Variants in TXNDC15 observed in about 807,000 individuals in gnomAD.
TXNDC15 encodes the protein thioredoxin domain-containing protein 15.
Under a neutral mutation model 35.0 loss-of-function variants are expected in TXNDC15, and 24 were observed. The ratio of observed to expected loss-of-function variants is 0.68; its 90% confidence interval spans 0.50 to 0.96. The LOEUF (loss-of-function observed/expected upper bound fraction) is 0.96, where lower values mean the gene tolerates loss of function less well. TXNDC15 is among the 40% of genes least tolerant of loss of function. The pLI, the probability that TXNDC15 is intolerant of heterozygous loss-of-function variation, is 0.00. For synonymous variants in TXNDC15, 169 were observed against 174.0 expected (o/e 0.97, Z 0.23); for missense variants, 385 against 453.3 (o/e 0.85, Z 1.37).
chr5:134,899,601 A>G lies in TXNDC15; in HGVS notation c.999A>G (p.Leu333=). 6.2e-7 allele frequency: 1 copy of G among 1,613,900 alleles called. No homozygotes were observed. Residue 333 remains leucine, a synonymous_variant, in exon 5 of 5, where the codon TTA becomes TTG. Transcript: ENST00000358387. Reference sequence around the variant, plus strand: ...TGCTTGTATTTTCCTTATTCTTTTTAATTAGTTTTATTATGTATGCTACCA... The same window carrying G: ...TGCTTGTATTTTCCTTATTCTTTTTGATTAGTTTTATTATGTATGCTACCA... ...DWLLVFSLFF[L]ISFIMYATIR...
intron 1 of TXNDC15, among the ~76,000 whole-genome samples, chr5:134,875,707 T>C (rs1260789920): frequency 6.6e-6 from 1 of 152,114 alleles, no homozygotes; most frequent in African/African-American, 2.4e-5. Context: ...TCTCGCTCTG[T>C]TGCCCAGGCT....
intron 1 of TXNDC15, among the ~76,000 whole-genome samples, chr5:134,884,807 T>A (rs1339937547): frequency 6.6e-6 from 1 of 152,218 alleles, no homozygotes; most frequent in Non-Finnish European, 1.5e-5. Context: ...GATTGATTAT[T>A]CTCATTATGT....
chr5:134,892,457 G>A (rs1217026977), intron 2 of TXNDC15: 11 of 152,168 alleles, frequency 7.2e-5, no homozygotes, highest in Non-Finnish European at 1.6e-4. Flanking sequence ...CAATAATGCT[G>A]TTTTGCTTTC....
At chr5:134,881,136 T>G (rs1438959193) in intron 1 of TXNDC15, among the ~76,000 whole-genome samples, 1 of 151,252 alleles carries the variant, frequency 6.6e-6, no homozygotes, top group African/African-American at 2.4e-5. Flanking sequence ...CCATTCTTTT[T>G]TTTTTTCCTG....
chr5:134,887,830 C>G lies in TXNDC15; in HGVS notation c.239C>G (p.Ala80Gly). ...GACAGGGCAGCAGAAGAGGCCAATG[C>G]GGTGCTGGGGCTGGACACCCAAGGC... The part of the protein sequence containing the change: ...GQDRAAEEAN[A>G]VLGLDTQGDH... Residue 80 changes from alanine (A) to glycine (G), a missense_variant, in exon 2 of 5, where the codon GCG (alanine) becomes GGG (glycine). Ala to Gly is a moderately conservative substitution (Grantham distance 60). Transcript: ENST00000358387. 6.2e-7 allele frequency: 1 copy of G among 1,614,160 alleles called. No homozygotes were observed. The highest frequency in any genetic ancestry group is 8.5e-7 in the Non-Finnish European group (1 of 1,180,024).
At chr5:134,896,123 TA>T (rs1259670267) in intron 3 of TXNDC15, 170 bp from the exon 4 acceptor site, 2 of 648,458 alleles carry the variant, frequency 3.1e-6, no homozygotes, top group Non-Finnish European at 4.9e-6. Flanking sequence ...CCATGACCCA[TA>T]AGCAAAGAGG....
At chr5:134,890,459 G>T (rs185898358) in intron 2 of TXNDC15, among the ~76,000 whole-genome samples, 2 of 151,242 alleles carry the variant, frequency 1.3e-5, no homozygotes, top group African/African-American at 4.9e-5. Flanking sequence ...CCAGGCGGGA[G>T]TGCAGTGGCG....
In TXNDC15 at chr5:134,896,346, G is replaced by A. The variant is rs780990928; in HGVS notation, c.808G>A (p.Gly270Arg). ...VAVPNILLFQGAKPMARFNHT... is the reference protein window; with the variant it reads ...VAVPNILLFQRAKPMARFNHT... Reference sequence around the variant, plus strand: ...TGTTCCTAATATTTTATTATTTCAAGGAGCTAAACCAATGGCCAGATTTAA... The same window carrying A: ...TGTTCCTAATATTTTATTATTTCAAAGAGCTAAACCAATGGCCAGATTTAA... Residue 270 changes from glycine (G) to arginine (R), a missense_variant, in exon 4 of 5, where the codon GGA becomes AGA. Coordinates refer to ENST00000358387, the MANE Select transcript of TXNDC15 (RefSeq NM_024715.4). The A allele has an allele frequency of 6.2e-7, 1 of 1,613,802 alleles. No homozygotes were observed. Among genetic ancestry groups the A allele is most frequent in the East Asian group, 2.2e-5 (1 of 44,852 alleles).
At chr5:134,894,990 A>G (rs979102572) in intron 3 of TXNDC15, among the ~76,000 whole-genome samples, 1 of 152,092 alleles carries the variant, frequency 6.6e-6, no homozygotes, top group African/African-American at 2.4e-5. Context: ...CCTGGACAAC[A>G]TGGCAGAACT....
chr5:134,874,476 G>C lies in TXNDC15; in HGVS notation c.49G>C (p.Gly17Arg). The change falls in exon 1 of 5, where the codon GGC becomes CGC. Residue 17 changes from glycine to arginine, a missense_variant. By Grantham distance (125) the Gly-to-Arg change is moderately radical. Transcript: ENST00000358387. ...ACCGCCCCGCGTCATGCGGCTCCTC[G>C]GCTGGTGGCAAGTATTGCTGTGGGT... ...RRPPRVMRLL[G>R]WWQVLLWVLG... is the part of the protein sequence containing the mutation. 1 of 1,606,108 alleles carries C rather than the reference G, an allele frequency of 6.2e-7. No individual in the cohort carries two copies. Among genetic ancestry groups the C allele is most frequent in the Non-Finnish European group, 8.5e-7 (1 of 1,177,978 alleles).
At chr5:134,898,807 G>A (rs1750544386) in intron 4 of TXNDC15, among the ~76,000 whole-genome samples, 1 of 152,276 alleles carries the variant, frequency 6.6e-6, no homozygotes, top group African/African-American at 2.4e-5. Context: ...GGGTGCGGTG[G>A]CTCACACCTG....
At chr5:134,890,536 G>A (rs1202180863) in intron 2 of TXNDC15, among the ~76,000 whole-genome samples, 3 of 151,780 alleles carry the variant, frequency 2.0e-5, no homozygotes, top group African/African-American at 7.3e-5. Flanking sequence ...GCCTCTCGCC[G>A]AATAACTGGG....
Position 134,888,092 on chromosome 5 carries a change from T to C in TXNDC15, c.501T>C (p.Thr167=), listed in dbSNP as rs1396283789. Residue 167 remains threonine, a synonymous_variant, in exon 2 of 5, where the codon ACT becomes ACC. Coordinates refer to ENST00000358387, the MANE Select transcript of TXNDC15 (RefSeq NM_024715.4). The part of the protein sequence containing the change: ...DAAPTEDSNN[T]ESLKSPKVNC... ...CCCCGACAGAGGACTCCAATAACAC[T>C]GAAAGTCTGAAATCCCCAAAGGTGA... 2 of 1,614,088 alleles carry C rather than the reference T, an allele frequency of 1.2e-6. No individual in the cohort carries two copies.
rs1750558578 is a variant in TXNDC15, at chr5:134,899,487, A to C, written c.887-2A>C. ...ATTTGAAACCAGTGATTTTTCTTTC[A>C]GGTATAGAAGCCAAGAAGAATGTGG... On this transcript the variant is annotated splice_acceptor_variant, in intron 4 of 4. Transcript: ENST00000358387. LOFTEE classifies it high-confidence loss of function. The C allele has an allele frequency of 6.2e-7, 1 of 1,603,856 alleles. No individual in the cohort carries two copies. The highest frequency in any genetic ancestry group is 1.4e-5 in the African/African-American group (1 of 74,050).
chr5:134,880,297 G>C (rs1240209637), intron 1 of TXNDC15, among the ~76,000 whole-genome samples: 1 of 152,084 alleles, frequency 6.6e-6, no homozygotes, highest in Non-Finnish European at 1.5e-5. Flanking sequence ...ATTTCTTTAT[G>C]TGGATCCATA....
At chr5:134,878,661 A>G (rs1399856916) in intron 1 of TXNDC15, among the ~76,000 whole-genome samples, 2 of 152,228 alleles carry the variant, frequency 1.3e-5, no homozygotes, top group Admixed American at 6.5e-5. Context: ...CCAGTGATGC[A>G]ATAATTATCA....
intron 1 of TXNDC15, 70 bp from the exon 2 acceptor site, chr5:134,887,625 G>A: frequency 6.6e-7 from 1 of 1,507,840 alleles, no homozygotes; most frequent in Non-Finnish European, 8.9e-7. Context: ...TGTTAGAGGG[G>A]AACTGTAATT....
Position 134,896,466 on chromosome 5 carries a change from C to T in TXNDC15, c.886+42C>T, listed in dbSNP as rs1194613111. The T allele has an allele frequency of 3.1e-6, 5 of 1,608,792 alleles. No individual in the cohort carries two copies. The East Asian group carries it at 8.9e-5, about 29-fold the overall frequency. On this transcript the variant is annotated intron_variant, in intron 4 of 4. Transcript: ENST00000358387. ...TGCTGAGGAAGAAGATATTCTATTG[C>T]TGGGGGTCTGTGCCTTCTGTGGGTT...
At chr5:134,881,570 G>C (rs1750144992) in intron 1 of TXNDC15, among the ~76,000 whole-genome samples, 1 of 117,546 alleles carries the variant, frequency 8.5e-6, no homozygotes. Context: ...AAAATGAAAA[G>C]TCTCCCATGT....
Sources: gnomAD v4.1 joint callset for allele counts (sites outside exome capture counted in the v4.1 genomes callset) on GRCh38, gnomAD v4.1.1 for gene constraint, MANE v1.5 for transcripts, NCBI Gene and HGNC (gene_info 2026-07-23, HGNC 2026-07-21) for gene names.